NTRK2: variants seen among roughly 807,000 people sequenced by gnomAD.
NTRK2 encodes the protein BDNF/NT-3 growth factors receptor.
In NTRK2, 13 loss-of-function variants were observed where a neutral mutation model predicts 94.5. That is an observed-to-expected ratio of 0.14 (90% CI 0.09 to 0.22). The LOEUF (loss-of-function observed/expected upper bound fraction) is 0.22. Ranked by LOEUF, NTRK2 falls within the 10% of genes least tolerant of loss-of-function variation. NTRK2 has a pLI of 1.00. For synonymous variants in NTRK2, 372 were observed against 407.4 expected, an observed-to-expected ratio of 0.91 and a Z score of 1.05; for missense variants, 639 against 1,071.2, an observed-to-expected ratio of 0.60 and a Z score of 5.63.
intron 17 of NTRK2, among the ~76,000 whole-genome samples, chr9:84,973,545 G>A (rs780285899): frequency 2.6e-5 from 4 of 152,054 alleles, no homozygotes; most frequent in Non-Finnish European, 5.9e-5. Flanking sequence ...TAAAACACAA[G>A]GTTGACCTGC....
chr9:84,706,553 G>C (rs561436825), intron 4 of NTRK2, among the ~76,000 whole-genome samples: 1 of 101,066 alleles, frequency 9.9e-6, no homozygotes, highest in African/African-American at 3.5e-5. Context: ...TTTTTGAGAC[G>C]GAGTCTTGCT....
intron 12 of NTRK2, among the ~76,000 whole-genome samples, chr9:84,853,882 C>G (rs1479129859): frequency 6.6e-6 from 1 of 152,052 alleles, no homozygotes; most frequent in Non-Finnish European, 1.5e-5. Context: ...GAGATCAAGA[C>G]CATCCTGGCT....
chr9:84,840,028 TC>T (rs1347718320), intron 12 of NTRK2, among the ~76,000 whole-genome samples: 1 of 151,808 alleles, frequency 6.6e-6, no homozygotes, highest in African/African-American at 2.4e-5. Flanking sequence ...CCTTTCTTCC[TC>T]CTCCTCCTCC....
intron 14 of NTRK2, among the ~76,000 whole-genome samples, chr9:84,881,251 T>A (rs1308742466): frequency 4.6e-5 from 7 of 152,186 alleles, no homozygotes; most frequent in African/African-American, 1.7e-4. Flanking sequence ...AATAAGACTG[T>A]CTGGGACCTT....
At chr9:84,808,213 G>C (rs1041744386) in intron 12 of NTRK2, among the ~76,000 whole-genome samples, 2 of 152,308 alleles carry the variant, frequency 1.3e-5, no homozygotes, top group South Asian at 2.1e-4. Context: ...GGCAAAGTTA[G>C]CTGTGTTTCC....
In NTRK2 at chr9:84,981,939, G is replaced by A. The variant is rs746729923; in HGVS notation, c.2172+26422G>A. Among the ~76,000 whole-genome samples, 14 of 152,286 alleles carry A rather than the reference G, an allele frequency of 9.2e-5. 1 individual carries two copies. Among genetic ancestry groups the A allele is most frequent in the South Asian group, 6.2e-4 (3 of 4,822 alleles). ...AAGTGGGGTGTCAAGCCAGCTGATC[G>A]ATTAGTATCACGTGGAAGAACTAAC... On this transcript the variant is annotated intron_variant, in intron 17 of 18. Coordinates refer to ENST00000277120, the MANE Select transcript of NTRK2 (RefSeq NM_006180.6).
At chr9:84,793,008 T>C (rs887150807) in intron 12 of NTRK2, among the ~76,000 whole-genome samples, 1 of 152,146 alleles carries the variant, frequency 6.6e-6, no homozygotes, top group Admixed American at 6.5e-5. Flanking sequence ...TCACCATCAT[T>C]ATCATCAGGG....
At chr9:85,019,064 A>T (rs1226191369) in intron 17 of NTRK2, among the ~76,000 whole-genome samples, 1 of 152,186 alleles carries the variant, frequency 6.6e-6, no homozygotes, top group Non-Finnish European at 1.5e-5. Context: ...ATCACCAAGC[A>T]TGTTAGACAT....
At chr9:84,944,916 T>C (rs542870503) in intron 15 of NTRK2, among the ~76,000 whole-genome samples, 1 of 152,318 alleles carries the variant, frequency 6.6e-6, no homozygotes, top group East Asian at 1.9e-4. Flanking sequence ...CCCTGTGGAG[T>C]AGATGATGAT....
At chr9:84,692,492 A>G (rs1341711478) in intron 2 of NTRK2, among the ~76,000 whole-genome samples, 2 of 107,706 alleles carry the variant, frequency 1.9e-5, no homozygotes, top group African/African-American at 7.4e-5. Flanking sequence ...TTTTTTTGAG[A>G]CAGAGTCTCA....
At chr9:84,697,274 G>A (rs1230998759) in intron 2 of NTRK2, among the ~76,000 whole-genome samples, 1 of 152,142 alleles carries the variant, frequency 6.6e-6, no homozygotes, top group Non-Finnish European at 1.5e-5. Context: ...TTCCTGTGAG[G>A]CAAGTGCGGG....
Position 85,022,090 on chromosome 9 carries a change from AAAG to A in NTRK2, c.*658_*660del. The A allele has an allele frequency of 4.3e-6, 1 of 233,490 alleles. No homozygotes were observed. The highest frequency in any genetic ancestry group is 8.5e-6 in the Non-Finnish European group (1 of 118,212). 14.5% of individuals were successfully genotyped at this position (233,490 alleles called of 1,614,324 possible). A position where few individuals can be genotyped will look rare whatever the true frequency, so the allele number is the denominator to read the frequency against. On this transcript the variant is annotated 3_prime_UTR_variant, in exon 19 of 19. Transcript: ENST00000277120. ...TCTATGGGAGATTAAAACCAGAGAG[AAAG>A]AAGATTTATTATGAACCGCAATATG...
chr9:84,932,262 CACAAT>C (rs1291164224), intron 14 of NTRK2, among the ~76,000 whole-genome samples: 7 of 152,290 alleles, frequency 4.6e-5, no homozygotes, highest in African/African-American at 1.4e-4. Flanking sequence ...ATACTACACA[CACAAT>C]ACAGCCCAAT....
chr9:84,730,720 G>A (rs1432593364), intron 9 of NTRK2, among the ~76,000 whole-genome samples: 4 of 85,212 alleles, frequency 4.7e-5, no homozygotes. Flanking sequence ...CAGCCTGGGC[G>A]ACAGAGCGAG....
intron 14 of NTRK2, among the ~76,000 whole-genome samples, chr9:84,885,765 C>T (rs1365327571): frequency 6.6e-6 from 1 of 152,156 alleles, no homozygotes; most frequent in Non-Finnish European, 1.5e-5. Flanking sequence ...TGGTGGCTCA[C>T]GCCTGTAATC....
chr9:84,761,461 A>G (rs551453760), intron 12 of NTRK2, among the ~76,000 whole-genome samples: 13 of 152,284 alleles, frequency 8.5e-5, no homozygotes, highest in African/African-American at 3.1e-4. Flanking sequence ...TGTAAATGAA[A>G]ATTGCATAAA....
rs199741329 is a variant in NTRK2, at chr9:84,879,539, TA to T, written c.1633+12115del. Among the ~76,000 whole-genome samples, 181 of 152,266 alleles carry T rather than the reference TA, an allele frequency of 1.2e-3. 2 individuals carry two copies. The highest frequency in any genetic ancestry group is 3.3e-3 in the African/African-American group (137 of 41,552). ...GGCCCCATGGATTGTATTTTCACAT[TA>T]AAAAAATCTTAATAATTGCTGCAGT... is the stretch of plus-strand genomic sequence containing the variant. On this transcript the variant is annotated intron_variant, in intron 14 of 18. Transcript: ENST00000277120.
At chr9:84,863,023 G>A (rs1055924459) in intron 13 of NTRK2, among the ~76,000 whole-genome samples, 1 of 152,126 alleles carries the variant, frequency 6.6e-6, no homozygotes, top group Admixed American at 6.5e-5. Context: ...CCCAGGCAGG[G>A]TATTTACCAT....
intron 2 of NTRK2, among the ~76,000 whole-genome samples, chr9:84,693,044 G>T (rs957575734): frequency 1.4e-4 from 21 of 152,188 alleles, no homozygotes; most frequent in Admixed American, 1.4e-3. Context: ...GGAGATGCTG[G>T]TTCAGTTTCA....
Sources: gnomAD v4.1 joint callset for allele counts (sites outside exome capture counted in the v4.1 genomes callset) on GRCh38, gnomAD v4.1.1 for gene constraint, MANE v1.5 for transcripts, NCBI Gene and HGNC (gene_info 2026-07-23, HGNC 2026-07-21) for gene names.